MICALL1: variants seen among roughly 807,000 people sequenced by gnomAD.
MICALL1 encodes the protein MICAL like 1, also known as MICAL-like protein 1.
Under a neutral mutation model 83.7 loss-of-function variants are expected in MICALL1, and 61 were observed. The ratio of observed to expected loss-of-function variants is 0.73; its 90% CI spans 0.59 to 0.90. MICALL1 has a LOEUF of 0.90. MICALL1 is among the 40% of genes least tolerant of loss of function. The pLI, the probability that MICALL1 is intolerant of heterozygous loss-of-function variation, is 0.00. For synonymous variants in MICALL1, 481 were observed against 473.6 expected (o/e 1.02, Z -0.20); for missense variants, 1,066 against 1,152.0 (o/e 0.93, Z 1.08).
chr22:37,937,258 A>C, intron 14 of MICALL1, 64 bp downstream of exon 14: 6 of 850,356 alleles, frequency 7.1e-6, no homozygotes, highest in African/African-American at 1.7e-5. Flanking sequence ...TCTGGGCCTC[A>C]TGGGTGGGGC....
At chr22:37,940,613 T>C in intron 15 of MICALL1, 96 bp from the exon 16 acceptor site, 1 of 1,491,870 alleles carries the variant, frequency 6.7e-7, no homozygotes. Flanking sequence ...GGCTGAGCCC[T>C]GCTGCCCATG....
chr22:37,911,996 G>A lies in MICALL1; in HGVS notation c.191G>A (p.Arg64His), dbSNP rs775885644. 39 of 1,613,914 alleles carry A rather than the reference G, an allele frequency of 2.4e-5. No individual in the cohort carries two copies. In the East Asian group the frequency reaches 4.5e-4, roughly 18 times the overall value. Residue 64 changes from arginine to histidine, a missense_variant, in exon 2 of 16, where the codon CGT becomes CAT. By Grantham distance (29) the Arg-to-His change is conservative. Coordinates refer to ENST00000215957, the MANE Select transcript of MICALL1 (RefSeq NM_033386.4). ...AAGGACAATGTCTTCGAGAATAACCGTTTGGTAAGTTCCCGGACAGGTGGA... is the reference window on the plus strand; with the variant it reads ...AAGGACAATGTCTTCGAGAATAACCATTTGGTAAGTTCCCGGACAGGTGGA... ...LSKDNVFENN[R>H]LAFEVAEKEL...
intron 1 of MICALL1, among the ~76,000 whole-genome samples, chr22:37,910,271 G>A (rs1461324227): frequency 6.6e-6 from 1 of 152,140 alleles, no homozygotes; most frequent in Non-Finnish European, 1.5e-5. Context: ...GAGCATCTTC[G>A]AAATTTGGGG....
rs1291999808 is a variant in MICALL1, at chr22:37,941,945, A to G, written c.*1115A>G. 1.3e-5 allele frequency: 2 copies of G among 152,264 alleles called. No individual in the cohort carries two copies. The highest frequency in any genetic ancestry group is 4.8e-5 in the African/African-American group (2 of 41,466). The allele number at this position is 152,264 out of a possible 1,614,324, so 9.4% of individuals were successfully genotyped here. On this transcript the variant is annotated 3_prime_UTR_variant, in exon 16 of 16. Transcript: ENST00000215957. ...CCCTTCCCTCTACACACCTCTGGGA[A>G]AAGATTACACTGTATTAACTCTCGA...
rs1277797488 is a variant in MICALL1, at chr22:37,932,444, A to T, written c.2017-109A>T. The T allele has an allele frequency of 2.5e-5, 37 of 1,495,536 alleles. No individual in the cohort carries two copies. Among genetic ancestry groups the T allele is most frequent in the Non-Finnish European group, 3.1e-5 (34 of 1,109,138 alleles). 92.6% of individuals were successfully genotyped at this position (1,495,536 alleles called of 1,614,324 possible). ...CCTTCTTACCATGCTGGGGTGGGGGACAGGGCCCGGGCCCTGGAGCCACCA... is the reference window on the plus strand; with the variant it reads ...CCTTCTTACCATGCTGGGGTGGGGGTCAGGGCCCGGGCCCTGGAGCCACCA... On this transcript the variant is annotated intron_variant, in intron 10 of 15. Transcript: ENST00000215957. The surrounding 1 kb of genome is among the most constrained non-coding windows in gnomAD (Gnocchi z 4.4).
Position 37,941,054 on chromosome 22 carries a change from T to A in MICALL1, c.*224T>A. 4 of 495,520 alleles carry A rather than the reference T, an allele frequency of 8.1e-6. No individual in the cohort carries two copies. The highest frequency in any genetic ancestry group is 1.4e-5 in the Non-Finnish European group (4 of 278,690). The allele number at this position is 495,520 out of a possible 1,614,324, so 30.7% of individuals were successfully genotyped here. A position where few individuals can be genotyped will look rare whatever the true frequency, so the allele number is the denominator to read the frequency against. ...GCCCCAGGCAGCGGTGATTCAGCCCTGCCCAACCTGATTCTGATGACTGCG... is the reference window on the plus strand; with the variant it reads ...GCCCCAGGCAGCGGTGATTCAGCCCAGCCCAACCTGATTCTGATGACTGCG... On this transcript the variant is annotated 3_prime_UTR_variant, in exon 16 of 16. Transcript: ENST00000215957.
At chr22:37,919,567 C>T (rs373172122) in intron 5 of MICALL1, among the ~76,000 whole-genome samples, 19 of 132,616 alleles carry the variant, frequency 1.4e-4, no homozygotes, top group African/African-American at 5.6e-4. Flanking sequence ...ACCCGGGAGG[C>T]AGAGGTTACA....
intron 3 of MICALL1, among the ~76,000 whole-genome samples, chr22:37,914,841 C>T (rs2145889277): frequency 6.6e-6 from 1 of 151,350 alleles, no homozygotes; most frequent in Middle Eastern, 3.4e-3. Context: ...GGAGTATCAC[C>T]ATGTTACCCA....
At chr22:37,912,629 A>C in intron 3 of MICALL1, 137 bp downstream of exon 3, 5 of 750,546 alleles carry the variant, frequency 6.7e-6, no homozygotes, top group African/African-American at 1.9e-5. Context: ...TCATTAATTC[A>C]CTCATTGAAA....
At chr22:37,918,658 CAG>C (rs1290685290) in intron 4 of MICALL1, among the ~76,000 whole-genome samples, 3 of 152,226 alleles carry the variant, frequency 2.0e-5, no homozygotes, top group African/African-American at 7.2e-5. Context: ...AGGAACCTGT[CAG>C]GGGGGCTCCC....
At chr22:37,937,003 G>C in intron 13 of MICALL1, 77 bp from the exon 14 acceptor site, 1 of 1,258,972 alleles carries the variant, frequency 7.9e-7, no homozygotes, top group Non-Finnish European at 1.1e-6. Context: ...GCCGCACTTA[G>C]GCAGTGGCTC....
chr22:37,934,047 G>C (rs1449612434), intron 13 of MICALL1, among the ~76,000 whole-genome samples: 7 of 152,258 alleles, frequency 4.6e-5, no homozygotes, highest in African/African-American at 1.4e-4. Flanking sequence ...CAACTCTGCA[G>C]GAGGCTGGGG....
Position 37,930,725 on chromosome 22 carries a change from G to A in MICALL1, c.1882-1074G>A, listed in dbSNP as rs771013652. ...AGGGCGGGGGTCTCCCCAGAGGCAC[G>A]GAAGGATGCAGAGCCTGGGCTCTGG... On this transcript the variant is annotated intron_variant, in intron 9 of 15. Coordinates refer to ENST00000215957, the MANE Select transcript of MICALL1 (RefSeq NM_033386.4). The surrounding 1 kb of genome is among the most constrained non-coding windows in gnomAD (Gnocchi z 4.8). Among the ~76,000 whole-genome samples the A allele has an allele frequency of 6.6e-5, 10 of 152,210 alleles. No homozygotes were observed. The highest frequency in any genetic ancestry group is 7.4e-5 in the Non-Finnish European group (5 of 68,024).
Position 37,930,407 on chromosome 22 carries a change from G to A in MICALL1, c.1882-1392G>A, listed in dbSNP as rs1170419623. Reference sequence around the variant, plus strand: ...CTGGCTTCTTGCTGTGCCCAGACCTGGGCCCCAGCACCCTCCCTGCTTCAG... The same window carrying A: ...CTGGCTTCTTGCTGTGCCCAGACCTAGGCCCCAGCACCCTCCCTGCTTCAG... On this transcript the variant is annotated intron_variant, in intron 9 of 15. Transcript: ENST00000215957. The surrounding 1 kb of genome is among the most constrained non-coding windows in gnomAD (Gnocchi z 4.8). 6.6e-6 allele frequency among the ~76,000 whole-genome samples: 1 copy of A among 152,120 alleles called. No homozygotes were observed. Among genetic ancestry groups the A allele is most frequent in the Non-Finnish European group, 1.5e-5 (1 of 68,020 alleles).
intron 1 of MICALL1, among the ~76,000 whole-genome samples, chr22:37,910,893 A>G (rs1928276264): frequency 1.3e-5 from 2 of 151,940 alleles, no homozygotes; most frequent in South Asian, 4.1e-4. Context: ...GATCCCCCCA[A>G]CCCCATGGTC....
In MICALL1 at chr22:37,927,626, G is replaced by GC. The variant is rs1929543032; in HGVS notation, c.1683dup (p.Ser562LeufsTer9). 1 of 1,613,890 alleles carries GC rather than the reference G, an allele frequency of 6.2e-7. No individual in the cohort carries two copies. The highest frequency in any genetic ancestry group is 1.1e-5 in the South Asian group (1 of 91,086). On this transcript the variant is annotated frameshift_variant, in exon 9 of 16. Coordinates refer to ENST00000215957, the MANE Select transcript of MICALL1 (RefSeq NM_033386.4). LOFTEE classifies it high-confidence loss of function. ...CAGCCTCTCTACCAACTCCTCCCTG[G>GC]CCTCCTCTGGGGAACTAGTGGAGCC...
intron 14 of MICALL1, 149 bp downstream of exon 14, chr22:37,937,343 T>C: frequency 1.6e-6 from 1 of 624,538 alleles, no homozygotes; most frequent in Non-Finnish European, 2.7e-6. Flanking sequence ...GCGATCCCAG[T>C]GCACCGTTGC....
intron 15 of MICALL1, among the ~76,000 whole-genome samples, chr22:37,939,806 G>C (rs1163155734): frequency 1.3e-5 from 2 of 150,308 alleles, no homozygotes; most frequent in Non-Finnish European, 3.0e-5. Flanking sequence ...AAGATAAGTG[G>C]GGCCAGGCAC....
At chr22:37,908,992 C>T (rs1928144339) in intron 1 of MICALL1, among the ~76,000 whole-genome samples, 1 of 152,138 alleles carries the variant, frequency 6.6e-6, no homozygotes, top group Non-Finnish European at 1.5e-5. Context: ...AGATGGCTGA[C>T]AGCTGCTTTT....
Sources: allele counts gnomAD v4.1 joint callset (sites outside exome capture counted in the v4.1 genomes callset), GRCh38; gene constraint gnomAD v4.1.1; non-coding constraint Gnocchi (gnomAD v3.1); transcripts MANE v1.5; gene names NCBI Gene and HGNC (gene_info 2026-07-23, HGNC 2026-07-21).